NR6A1: variants seen among roughly 807,000 people sequenced by gnomAD.
NR6A1 encodes the protein nuclear receptor subfamily 6 group A member 1, also known as retinoic acid receptor-related testis-associated receptor.
NR6A1 carries 7 observed loss-of-function variants against 59.1 expected under a neutral mutation model. That is an observed-to-expected ratio of 0.12 (90% confidence interval 0.07 to 0.22). The LOEUF is 0.22. NR6A1 is among the 10% of genes least tolerant of loss of function. NR6A1 has a pLI of 1.00. For missense variants in NR6A1, 468 were observed against 611.6 expected (o/e 0.77, Z 2.48); for synonymous variants, 243 against 236.1 (o/e 1.03, Z -0.27).
intron 2 of NR6A1, among the ~76,000 whole-genome samples, chr9:124,571,784 C>CT (rs1183562114): frequency 3.3e-5 from 5 of 152,082 alleles, no homozygotes; most frequent in Admixed American, 6.6e-5. Context: ...CCTGTGGCTC[C>CT]TGATGACTCC....
intron 9 of NR6A1, 25 bp downstream of exon 9, chr9:124,524,696 G>A: frequency 6.2e-7 from 1 of 1,609,822 alleles, no homozygotes; most frequent in Non-Finnish European, 8.5e-7. Context: ...AGGAAGGGTT[G>A]GGAGCCCAAG....
chr9:124,540,743 G>A (rs908546332), intron 4 of NR6A1, among the ~76,000 whole-genome samples: 2 of 152,156 alleles, frequency 1.3e-5, no homozygotes, highest in Non-Finnish European at 1.5e-5. Flanking sequence ...TGAGGCTGTA[G>A]TGAGCCATGA....
At chr9:124,539,240 C>T (rs1037229680) in intron 5 of NR6A1, among the ~76,000 whole-genome samples, 4 of 152,094 alleles carry the variant, frequency 2.6e-5, no homozygotes, top group Non-Finnish European at 2.9e-5. Context: ...CAGCTTTTGC[C>T]TAAATGTATC....
At chr9:124,636,486 A>G (rs536970805) in intron 2 of NR6A1, among the ~76,000 whole-genome samples, 13 of 152,310 alleles carry the variant, frequency 8.5e-5, no homozygotes, top group South Asian at 2.1e-4. Context: ...ACATCATGCC[A>G]TCATACCCAA....
intron 2 of NR6A1, among the ~76,000 whole-genome samples, chr9:124,668,419 C>T (rs966878785): frequency 1.3e-5 from 2 of 152,044 alleles, no homozygotes; most frequent in African/African-American, 2.4e-5. Flanking sequence ...AGTGGACCTG[C>T]GTGATTCAAA....
At chr9:124,697,352 G>T (rs1381635204) in intron 2 of NR6A1, among the ~76,000 whole-genome samples, 1 of 151,996 alleles carries the variant, frequency 6.6e-6, no homozygotes, top group African/African-American at 2.4e-5. Flanking sequence ...TAATTCTAAC[G>T]AACAAATAGC....
intron 1 of NR6A1, among the ~76,000 whole-genome samples, chr9:124,752,998 G>C (rs566570210): frequency 6.6e-6 from 1 of 152,198 alleles, no homozygotes; most frequent in Admixed American, 6.5e-5. Flanking sequence ...CTGTGGGACT[G>C]GTTCAACTTC....
intron 2 of NR6A1, among the ~76,000 whole-genome samples, chr9:124,573,537 AG>A (rs1386049630): frequency 6.6e-6 from 1 of 152,224 alleles, no homozygotes; most frequent in Admixed American, 6.5e-5. Context: ...TCTTTCATGC[AG>A]TAACTATTTA....
chr9:124,584,769 T>G (rs1376272071), intron 2 of NR6A1, among the ~76,000 whole-genome samples: 1 of 152,136 alleles, frequency 6.6e-6, no homozygotes, highest in African/African-American at 2.4e-5. Flanking sequence ...TTAGGCCAGT[T>G]AATAACCCTA....
At chr9:124,707,141 TAC>T (rs1236514353) in intron 2 of NR6A1, among the ~76,000 whole-genome samples, 1 of 152,206 alleles carries the variant, frequency 6.6e-6, no homozygotes, top group African/African-American at 2.4e-5. Context: ...TCTCATTACA[TAC>T]ACACTTGATG....
intron 2 of NR6A1, among the ~76,000 whole-genome samples, chr9:124,731,999 T>C (rs972533692): frequency 1.3e-5 from 2 of 152,314 alleles, no homozygotes; most frequent in East Asian, 1.9e-4. Context: ...TACTATCTAA[T>C]ACAAAACTGA....
intron 7 of NR6A1, among the ~76,000 whole-genome samples, chr9:124,533,484 C>T (rs1488745841): frequency 6.6e-6 from 1 of 152,138 alleles, no homozygotes; most frequent in Admixed American, 6.5e-5. Flanking sequence ...TGACTCCTCC[C>T]TCCCCTAGCT....
At chr9:124,765,707 G>A (rs1019054506) in intron 1 of NR6A1, among the ~76,000 whole-genome samples, 1 of 152,138 alleles carries the variant, frequency 6.6e-6, no homozygotes, top group African/African-American at 2.4e-5. Flanking sequence ...TAGAATTACC[G>A]GGTTACACTA....
chr9:124,653,646 A>G (rs987953264), intron 2 of NR6A1, among the ~76,000 whole-genome samples: 1 of 152,226 alleles, frequency 6.6e-6, no homozygotes, highest in African/African-American at 2.4e-5. Flanking sequence ...GGCCTCAAGC[A>G]ATCCTTCCAC....
chr9:124,747,031 A>G (rs1013777026), intron 1 of NR6A1, among the ~76,000 whole-genome samples: 12 of 152,224 alleles, frequency 7.9e-5, no homozygotes, highest in Non-Finnish European at 1.6e-4. Flanking sequence ...TGGCACTTGA[A>G]TCAGACTAGT....
At chr9:124,663,740 T>C (rs1184063603) in intron 2 of NR6A1, among the ~76,000 whole-genome samples, 1 of 152,128 alleles carries the variant, frequency 6.6e-6, no homozygotes, top group Non-Finnish European at 1.5e-5. Flanking sequence ...AAAACAAACA[T>C]ATGAATGTAA....
At chr9:124,679,382 G>A (rs576333449) in intron 2 of NR6A1, among the ~76,000 whole-genome samples, 1 of 152,234 alleles carries the variant, frequency 6.6e-6, no homozygotes, top group South Asian at 2.1e-4. Flanking sequence ...CGACTAGCAA[G>A]CTAGACCTGT....
intron 2 of NR6A1, among the ~76,000 whole-genome samples, chr9:124,568,793 A>G (rs971846869): frequency 1.3e-5 from 2 of 151,728 alleles, no homozygotes; most frequent in Non-Finnish European, 2.9e-5. Flanking sequence ...GGGGGAAGAG[A>G]AGGATGGTTG....
chr9:124,614,451 C>T (rs1253854994), intron 2 of NR6A1, among the ~76,000 whole-genome samples: 1 of 152,150 alleles, frequency 6.6e-6, no homozygotes, highest in Non-Finnish European at 1.5e-5. Flanking sequence ...CAACAACTGG[C>T]CCTCGGGTAT....
Sources: gnomAD v4.1 joint callset for allele counts (sites outside exome capture counted in the v4.1 genomes callset) on GRCh38, gnomAD v4.1.1 for gene constraint, MANE v1.5 for transcripts, NCBI Gene and HGNC (gene_info 2026-07-23, HGNC 2026-07-21) for gene names.